Variants in ZDHHC14 observed in about 807,000 individuals in gnomAD.
ZDHHC14 encodes the protein zDHHC palmitoyltransferase 14.
In ZDHHC14, 16 loss-of-function variants were observed where a neutral mutation model predicts 47.7. The observed-to-expected ratio is 0.34, with a 90% CI of 0.23 to 0.51. The LOEUF is 0.51. Ranked by LOEUF, ZDHHC14 falls within the 20% of genes least tolerant of loss-of-function variation. ZDHHC14 has a pLI of 0.97. For synonymous variants in ZDHHC14, 293 were observed against 278.9 expected (o/e 1.05, Z -0.50); for missense variants, 515 against 662.5 (o/e 0.78, Z 2.44).
chr6:157,393,138 C>CA (rs1371111806), intron 1 of ZDHHC14, among the ~76,000 whole-genome samples: 2 of 152,210 alleles, frequency 1.3e-5, no homozygotes, highest in East Asian at 3.8e-4. Context: ...CTCGGCCTCT[C>CA]AAAGTGCTGG....
At chr6:157,555,215 C>T (rs925233389) in intron 2 of ZDHHC14, among the ~76,000 whole-genome samples, 4 of 152,162 alleles carry the variant, frequency 2.6e-5, no homozygotes, top group Non-Finnish European at 4.4e-5. Flanking sequence ...ATGAGGTTTT[C>T]GTATCTTACA....
chr6:157,554,797 A>G (rs9331344), intron 2 of ZDHHC14, among the ~76,000 whole-genome samples: 76,497 of 152,132 alleles, frequency 0.5, 19,315 homozygotes, highest in Middle Eastern at 0.58. Context: ...TGGTGGTGAC[A>G]CTCTGCAGAG....
At chr6:157,562,344 C>T (rs16900286) in intron 2 of ZDHHC14, among the ~76,000 whole-genome samples, 30,979 of 152,184 alleles carry the variant, frequency 0.2, 3,363 homozygotes, top group Middle Eastern at 0.33. Flanking sequence ...TCAGAGAAGG[C>T]GCTGCAGAAG....
chr6:157,428,878 C>A (rs1778279590), intron 1 of ZDHHC14, among the ~76,000 whole-genome samples: 1 of 152,184 alleles, frequency 6.6e-6, no homozygotes, highest in Non-Finnish European at 1.5e-5. Context: ...GAGCCCTCTA[C>A]TATGATTTCA....
chr6:157,613,917 T>C (rs1784848520), intron 3 of ZDHHC14, among the ~76,000 whole-genome samples: 1 of 152,250 alleles, frequency 6.6e-6, no homozygotes, highest in African/African-American at 2.4e-5. Flanking sequence ...CAGTTTCTGA[T>C]ACTCTTGGAA....
intron 5 of ZDHHC14, among the ~76,000 whole-genome samples, chr6:157,641,443 C>T (rs1166133586): frequency 6.6e-6 from 1 of 152,142 alleles, no homozygotes; most frequent in Admixed American, 6.5e-5. Flanking sequence ...TTTTAATTTC[C>T]ATTTTCTGGA....
At chr6:157,397,511 CT>C (rs760041211) in intron 1 of ZDHHC14, among the ~76,000 whole-genome samples, 2 of 152,156 alleles carry the variant, frequency 1.3e-5, no homozygotes, top group African/African-American at 4.8e-5. Context: ...CCGTGTCTTC[CT>C]TCCATCATCA....
intron 1 of ZDHHC14, among the ~76,000 whole-genome samples, chr6:157,435,406 C>T (rs1034053716): frequency 6.6e-6 from 1 of 152,196 alleles, no homozygotes; most frequent in African/African-American, 2.4e-5. Flanking sequence ...ATATCGATGA[C>T]ATTGGGATGA....
chr6:157,483,388 C>T (rs1335823560), intron 1 of ZDHHC14, among the ~76,000 whole-genome samples: 1 of 152,150 alleles, frequency 6.6e-6, no homozygotes, highest in East Asian at 1.9e-4. Flanking sequence ...TGACTAGGAG[C>T]CTTGGGCAGT....
chr6:157,437,052 A>C (rs1050240222), intron 1 of ZDHHC14, among the ~76,000 whole-genome samples: 2 of 152,182 alleles, frequency 1.3e-5, no homozygotes, highest in African/African-American at 4.8e-5. Flanking sequence ...TGCATGTGAC[A>C]TGGTGACAAC....
intron 2 of ZDHHC14, among the ~76,000 whole-genome samples, chr6:157,554,927 A>G (rs1782395269): frequency 6.6e-6 from 1 of 152,128 alleles, no homozygotes; most frequent in African/African-American, 2.4e-5. Flanking sequence ...ATAAGTCCCC[A>G]CCTGAATTAG....
At chr6:157,417,676 A>G (rs962595084) in intron 1 of ZDHHC14, among the ~76,000 whole-genome samples, 4 of 152,190 alleles carry the variant, frequency 2.6e-5, no homozygotes, top group African/African-American at 7.2e-5. Flanking sequence ...ACATAAATCT[A>G]TTATCTCCGT....
chr6:157,497,564 G>C (rs564569138), intron 1 of ZDHHC14, among the ~76,000 whole-genome samples: 1 of 152,100 alleles, frequency 6.6e-6, no homozygotes, highest in Non-Finnish European at 1.5e-5. Flanking sequence ...GGCTCTGATG[G>C]GCCCATGGCA....
In ZDHHC14 at chr6:157,570,818, T is replaced by C. The variant is rs9505875; in HGVS notation, c.407-22170T>C. Among the ~76,000 whole-genome samples the C allele has an allele frequency of 2.2e-3, 333 of 148,090 alleles. 1 individual carries two copies. Among genetic ancestry groups the C allele is most frequent in the Middle Eastern group, 3.4e-3 (1 of 290 alleles). On this transcript the variant is annotated intron_variant, in intron 2 of 8. Coordinates refer to ENST00000359775, the MANE Select transcript of ZDHHC14 (RefSeq NM_024630.3). ...ACATATATATACACACACACACACA[T>C]ATATATATATATACACACACACATA...
chr6:157,595,704 G>A (rs1784101009), intron 3 of ZDHHC14, among the ~76,000 whole-genome samples: 1 of 152,158 alleles, frequency 6.6e-6, no homozygotes, highest in South Asian at 2.1e-4. Context: ...TTTCCCCAGT[G>A]ACGGTGTACT....
chr6:157,438,812 A>C (rs993823029), intron 1 of ZDHHC14, among the ~76,000 whole-genome samples: 1 of 152,192 alleles, frequency 6.6e-6, no homozygotes, highest in Admixed American at 6.5e-5. Context: ...TTCCAATAGC[A>C]GTTGGAGCTA....
At chr6:157,642,387 TAGA>T (rs1306134618) in intron 5 of ZDHHC14, among the ~76,000 whole-genome samples, 1 of 152,192 alleles carries the variant, frequency 6.6e-6, no homozygotes, top group Non-Finnish European at 1.5e-5. Flanking sequence ...GCTGGGTGCA[TAGA>T]AGGACACAGA....
At chr6:157,515,682 G>C (rs1050735987) in intron 1 of ZDHHC14, among the ~76,000 whole-genome samples, 25 of 151,416 alleles carry the variant, frequency 1.7e-4, no homozygotes, top group Non-Finnish European at 3.7e-4. Context: ...AGCCTGGATG[G>C]TCTCGATCTC....
intron 1 of ZDHHC14, among the ~76,000 whole-genome samples, chr6:157,491,651 G>T (rs1255956707): frequency 6.6e-6 from 1 of 152,168 alleles, no homozygotes; most frequent in Non-Finnish European, 1.5e-5. Context: ...AGAAGCAAAG[G>T]CTCAAATCAG....
Sources: gnomAD v4.1 joint callset for allele counts (sites outside exome capture counted in the v4.1 genomes callset) on GRCh38, gnomAD v4.1.1 for gene constraint, MANE v1.5 for transcripts, NCBI Gene and HGNC (gene_info 2026-07-23, HGNC 2026-07-21) for gene names.